Variants in TSPAN5 observed in about 807,000 individuals in gnomAD.
The protein encoded by TSPAN5 is tetraspanin-5.
A neutral mutation model predicts 37.1 loss-of-function variants in TSPAN5; 10 were observed. That is an observed-to-expected ratio of 0.27 (90% CI 0.17 to 0.46). The LOEUF (loss-of-function observed/expected upper bound fraction) is 0.46. Ranked by LOEUF, TSPAN5 falls within the 20% of genes least tolerant of loss-of-function variation. The probability of loss-of-function intolerance (pLI) is 1.00; values close to 1 mark genes in which losing one functional copy is unlikely to be tolerated. For synonymous variants in TSPAN5, 110 were observed against 118.9 expected (o/e 0.93, Z 0.48); for missense variants, 195 against 326.6 (o/e 0.60, Z 3.11).
intron 1 of TSPAN5, among the ~76,000 whole-genome samples, chr4:98,566,991 A>T (rs1365911100): frequency 2.6e-5 from 4 of 152,370 alleles, no homozygotes; most frequent in Non-Finnish European, 5.9e-5. Context: ...CGCTGGCATG[A>T]TGTCTTCAAG....
intron 1 of TSPAN5, among the ~76,000 whole-genome samples, chr4:98,509,341 A>G (rs1451188312): frequency 1.3e-5 from 2 of 152,218 alleles, no homozygotes; most frequent in Non-Finnish European, 2.9e-5. Context: ...GGAGTTCCTG[A>G]TACTTTGTAA....
At chr4:98,626,569 C>A (rs1182253061) in intron 1 of TSPAN5, among the ~76,000 whole-genome samples, 1 of 152,040 alleles carries the variant, frequency 6.6e-6, no homozygotes, top group Non-Finnish European at 1.5e-5. Context: ...AGCCACCAGA[C>A]CGCCTCCTCC....
intron 1 of TSPAN5, among the ~76,000 whole-genome samples, chr4:98,511,545 C>T (rs1186526430): frequency 6.6e-6 from 1 of 152,142 alleles, no homozygotes; most frequent in Non-Finnish European, 1.5e-5. Context: ...TATGGGACCA[C>T]CATTGTATAT....
intron 1 of TSPAN5, among the ~76,000 whole-genome samples, chr4:98,529,106 G>A (rs1477659097): frequency 6.6e-6 from 1 of 152,162 alleles, no homozygotes; most frequent in African/African-American, 2.4e-5. Context: ...ATCCCTGTGT[G>A]GCACGCTGTG....
chr4:98,486,597 C>A, intron 3 of TSPAN5, 141 bp downstream of exon 3: 1 of 916,908 alleles, frequency 1.1e-6, no homozygotes. Context: ...AGAGAGCTCT[C>A]TCAAAAGAAA....
At chr4:98,492,859 T>C (rs757536268) in intron 2 of TSPAN5, among the ~76,000 whole-genome samples, 5 of 152,220 alleles carry the variant, frequency 3.3e-5, no homozygotes, top group Non-Finnish European at 7.3e-5. Flanking sequence ...CAATTCTGCA[T>C]GTAAACTTGA....
At chr4:98,637,034 G>C (rs978870638) in intron 1 of TSPAN5, among the ~76,000 whole-genome samples, 6 of 152,166 alleles carry the variant, frequency 3.9e-5, no homozygotes, top group Non-Finnish European at 7.4e-5. Flanking sequence ...TTGGTAGGGA[G>C]CTTCCCAGCT....
At position 98,658,203 on chromosome 4, in the gene TSPAN5, A is replaced by G. The variant is rs1248602060; in HGVS notation, c.24T>C (p.Gly8=). MSGKHYK[G]PEVSCCIKYF... ...ATTTGATGCAACAACTGACTTCAGGACCCTTGTAGTGCTTCCCGGACATCC... is the reference window on the plus strand; with the variant it reads ...ATTTGATGCAACAACTGACTTCAGGGCCCTTGTAGTGCTTCCCGGACATCC... The change falls in exon 1 of 8, where the codon GGT becomes GGC. Residue 8 remains glycine, a synonymous_variant. Coordinates refer to ENST00000305798, the MANE Select transcript of TSPAN5 (RefSeq NM_005723.4). 1.1e-5 allele frequency: 17 copies of G among 1,614,006 alleles called. No individual in the cohort carries two copies. Among genetic ancestry groups the G allele is most frequent in the African/African-American group, 2.7e-5 (2 of 74,934 alleles).
rs561501339 is a variant in TSPAN5, at chr4:98,600,380, C to A, written c.81+57766G>T. Among the ~76,000 whole-genome samples the A allele has an allele frequency of 4.6e-5, 7 of 152,286 alleles. No individual in the cohort carries two copies. In the South Asian group the frequency reaches 1.2e-3, roughly 27 times the overall value. Reference sequence around the variant, plus strand: ...ATTTCTCTGTAACATGTTATGCTGTCAGATGGCATTTTACTCACAGTAGAA... The same window carrying A: ...ATTTCTCTGTAACATGTTATGCTGTAAGATGGCATTTTACTCACAGTAGAA... On this transcript the variant is annotated intron_variant, in intron 1 of 7. Coordinates refer to ENST00000305798, the MANE Select transcript of TSPAN5 (RefSeq NM_005723.4).
At chr4:98,655,148 GT>G (rs948462682) in intron 1 of TSPAN5, among the ~76,000 whole-genome samples, 2 of 151,158 alleles carry the variant, frequency 1.3e-5, no homozygotes, top group Non-Finnish European at 2.9e-5. Flanking sequence ...CCCAGCCTTG[GT>G]TTTTTTTTGT....
intron 1 of TSPAN5, among the ~76,000 whole-genome samples, chr4:98,527,245 G>C (rs1016817685): frequency 2.0e-5 from 3 of 152,182 alleles, no homozygotes; most frequent in Non-Finnish European, 1.5e-5. Flanking sequence ...GGACACAAAA[G>C]AAAATTATGA....
intron 1 of TSPAN5, among the ~76,000 whole-genome samples, chr4:98,549,903 T>C (rs540246306): frequency 9.2e-5 from 14 of 152,246 alleles, no homozygotes; most frequent in Non-Finnish European, 1.9e-4. Context: ...TTAAGTGCCA[T>C]TTCTCCATTT....
intron 1 of TSPAN5, among the ~76,000 whole-genome samples, chr4:98,533,938 T>TAAAAAAAAAA: frequency 1.6e-4 from 2 of 12,876 alleles, no homozygotes; most frequent in Non-Finnish European, 2.3e-4. Context: ...TTTGTTGATC[T>TAAAAAAAAAA]TAAAAAAAAA....
chr4:98,526,937 G>A (rs1239459834), intron 1 of TSPAN5, among the ~76,000 whole-genome samples: 1 of 152,116 alleles, frequency 6.6e-6, no homozygotes, highest in Non-Finnish European at 1.5e-5. Context: ...TGAAGAGTGA[G>A]GTTTTGTATT....
intron 1 of TSPAN5, among the ~76,000 whole-genome samples, chr4:98,585,266 C>T (rs1755460978): frequency 6.6e-6 from 1 of 152,138 alleles, no homozygotes; most frequent in Admixed American, 6.5e-5. Context: ...AATACTTCAA[C>T]GTTCAGCCTC....
At chr4:98,474,291 C>G (rs1020573098) in intron 7 of TSPAN5, among the ~76,000 whole-genome samples, 4 of 152,194 alleles carry the variant, frequency 2.6e-5, no homozygotes, top group Non-Finnish European at 4.4e-5. Context: ...AATGACTGCT[C>G]TTTCCCTATT....
At chr4:98,563,407 T>C (rs1483697384) in intron 1 of TSPAN5, among the ~76,000 whole-genome samples, 1 of 152,168 alleles carries the variant, frequency 6.6e-6, no homozygotes, top group African/African-American at 2.4e-5. Flanking sequence ...TCTTAACAGA[T>C]TGTGTTAATA....
chr4:98,580,355 C>T (rs895532725), intron 1 of TSPAN5, among the ~76,000 whole-genome samples: 2 of 152,208 alleles, frequency 1.3e-5, no homozygotes, highest in African/African-American at 4.8e-5. Flanking sequence ...ACTCTGACTG[C>T]TCTATCCCAG....
Position 98,616,363 on chromosome 4 carries a change from G to A in TSPAN5, c.81+41783C>T, listed in dbSNP as rs111227532. Among the ~76,000 whole-genome samples the A allele has an allele frequency of 4.8e-3, 732 of 152,182 alleles. 3 individuals carry two copies. The highest frequency in any genetic ancestry group is 8.1e-3 in the Non-Finnish European group (549 of 67,994). ...AGACCATGCTGAAAAGGAAACCCAC[G>A]GCTCCTGGAGTTTGTGCTACCTTGA... On this transcript the variant is annotated intron_variant, in intron 1 of 7. Transcript: ENST00000305798.
Sources: allele counts gnomAD v4.1 joint callset (sites outside exome capture counted in the v4.1 genomes callset), GRCh38; gene constraint gnomAD v4.1.1; transcripts MANE v1.5; gene names NCBI Gene and HGNC (gene_info 2026-07-23, HGNC 2026-07-21).